Variants in ZFHX2 observed in about 807,000 individuals in gnomAD.
ZFHX2 encodes zinc finger homeobox protein 2.
A neutral mutation model predicts 164.8 loss-of-function variants in ZFHX2; 75 were observed. The observed-to-expected ratio is 0.46, with a 90% CI of 0.38 to 0.55. The LOEUF (loss-of-function observed/expected upper bound fraction) is 0.55. ZFHX2 is among the 20% of genes least tolerant of loss of function. The pLI is 0.00. For synonymous variants in ZFHX2, 1,217 were observed against 1,351.4 expected (o/e 0.90, Z 2.18); for missense variants, 2,933 against 3,308.0 (o/e 0.89, Z 2.78).
At position 23,549,115 on chromosome 14, in the gene ZFHX2, C is replaced by T. The variant is rs142492955; in HGVS notation, c.-50+2228G>A. Among the ~76,000 whole-genome samples the T allele has an allele frequency of 1.3e-4, 20 of 152,250 alleles. No individual in the cohort carries two copies. In the East Asian group the frequency reaches 3.5e-3, roughly 26 times the overall value. ...TTCATAGTGCTTTTTCTGTTGACCTCCACTTTAGGAATATTCTATCATTTC... is the reference window on the plus strand; with the variant it reads ...TTCATAGTGCTTTTTCTGTTGACCTTCACTTTAGGAATATTCTATCATTTC... On this transcript the variant is annotated intron_variant, in intron 1 of 9. Coordinates refer to ENST00000419474, the MANE Select transcript of ZFHX2 (RefSeq NM_033400.3).
chr14:23,539,849 T>C (rs538076763), intron 1 of ZFHX2, among the ~76,000 whole-genome samples: 43 of 152,166 alleles, frequency 2.8e-4, no homozygotes, highest in Non-Finnish European at 4.9e-4. Context: ...TGACTGGCTT[T>C]TTCCTCCCTA....
chr14:23,540,861 T>C (rs1264357619), intron 1 of ZFHX2, among the ~76,000 whole-genome samples: 1 of 152,220 alleles, frequency 6.6e-6, no homozygotes, highest in Non-Finnish European at 1.5e-5. Context: ...GCATGGTGTT[T>C]GCACAGAGGC....
intron 4 of ZFHX2, 89 bp downstream of exon 4, chr14:23,531,392 C>CT: frequency 7.5e-7 from 1 of 1,329,650 alleles, no homozygotes. Context: ...CTTCGCCTTC[C>CT]TTGTATCTCT....
chr14:23,530,150 T>C lies in ZFHX2; in HGVS notation c.2845A>G (p.Lys949Glu), dbSNP rs1342183250. 1 of 1,536,038 alleles carries C rather than the reference T, an allele frequency of 6.5e-7. No homozygotes were observed. ...TPLAEPPTPE[K>E]DAQNKTEQLA... ...TGTTCTGTCTTGTTCTGGGCATCTT[T>C]CTCAGGGGTGGGTGGCTCAGCTAAG... Residue 949 changes from lysine to glutamate, a missense_variant, in exon 5 of 10, where the codon AAA becomes GAA. Coordinates refer to ENST00000419474, the MANE Select transcript of ZFHX2 (RefSeq NM_033400.3).
In ZFHX2 at chr14:23,534,894, C is replaced by T; in HGVS notation, c.432G>A (p.Trp144Ter). Residue 144 changes from tryptophan (W) to a stop codon, truncating the protein, a stop_gained, in exon 2 of 10, where the codon TGG becomes TGA. Coordinates refer to ENST00000419474, the MANE Select transcript of ZFHX2 (RefSeq NM_033400.3). LOFTEE classifies it high-confidence loss of function. This position sits in a 1 kb window ranked among gnomAD's most constrained non-coding sequence, Gnocchi z 4.5. ...SELLLPKGFP[W>*]GEAGIKEEPS... ...GCTCTTCCTTGATGCCCGCCTCACC[C>T]CAGGGGAAGCCCTTTGGTAACAGGA... 6.5e-7 allele frequency: 1 copy of T among 1,536,104 alleles called. No homozygotes were observed. Among genetic ancestry groups the T allele is most frequent in the Non-Finnish European group, 8.7e-7 (1 of 1,146,886 alleles).
rs769148390 is a variant in ZFHX2, at chr14:23,533,883, A to G, written c.1443T>C (p.Ser481=). ...CCCCAGCACTGCAGTAGCTGCAGTG[A>G]CTGTTGCTCTCAGGGTGCTTCTCTC... ...HMREKHPESN[S]HCSYCSAGGA... is the part of the protein sequence containing the mutation. The change falls in exon 2 of 10, where the codon AGT becomes AGC. Residue 481 remains serine, a synonymous_variant. Transcript: ENST00000419474. This position sits in a 1 kb window ranked among gnomAD's most constrained non-coding sequence, Gnocchi z 4.8. The G allele has an allele frequency of 6.5e-7, 1 of 1,538,050 alleles. No homozygotes were observed. Among genetic ancestry groups the G allele is most frequent in the East Asian group, 2.4e-5 (1 of 40,932 alleles).
chr14:23,523,207 A>T lies in ZFHX2; in HGVS notation c.6735T>A (p.Asn2245Lys). The T allele has an allele frequency of 7.0e-7, 1 of 1,422,992 alleles. No individual in the cohort carries two copies. Among genetic ancestry groups the T allele is most frequent in the Non-Finnish European group, 9.1e-7 (1 of 1,093,528 alleles). 88.1% of individuals were successfully genotyped at this position (1,422,992 alleles called of 1,614,324 possible). ...QPPLGNLAPF[N>K]SGPAASSGLL... ...CCTCCCAGCCTCCCTACTCACCTGA[A>T]TTGAAAGGAGCTAAGTTGCCCAGCG... The change falls in exon 9 of 10, where the codon AAT becomes AAA. Residue 2245 changes from asparagine (N) to lysine (K), a missense_variant. Coordinates refer to ENST00000419474, the MANE Select transcript of ZFHX2 (RefSeq NM_033400.3). The surrounding 1 kb of genome is among the most constrained non-coding windows in gnomAD (Gnocchi z 4.1).
rs1313215943 is a variant in ZFHX2, at chr14:23,527,588, C to G, written c.3135+16G>C. The G allele has an allele frequency of 2.6e-6, 4 of 1,536,618 alleles. No individual in the cohort carries two copies. Among genetic ancestry groups the G allele is most frequent in the Non-Finnish European group, 3.5e-6 (4 of 1,146,950 alleles). The stretch of plus-strand genomic sequence containing the variant: ...ATAAGGTCTTGTTGTACCGTCCTCA[C>G]CCAGCCTGTACTCACTACAAGCAGC... On this transcript the variant is annotated intron_variant, in intron 7 of 9. Coordinates refer to ENST00000419474, the MANE Select transcript of ZFHX2 (RefSeq NM_033400.3).
At chr14:23,548,045 C>T (rs1881570206) in intron 1 of ZFHX2, among the ~76,000 whole-genome samples, 1 of 152,146 alleles carries the variant, frequency 6.6e-6, no homozygotes, top group Non-Finnish European at 1.5e-5. Context: ...AATGAGTTTA[C>T]ACTCACACAG....
chr14:23,531,602 G>C lies in ZFHX2; in HGVS notation c.2679C>G (p.Ala893=), dbSNP rs1301323982. 2 of 1,526,618 alleles carry C rather than the reference G, an allele frequency of 1.3e-6. No homozygotes were observed. The highest frequency in any genetic ancestry group is 1.2e-5 in the South Asian group (1 of 82,748). The allele number at this position is 1,526,618 out of a possible 1,614,324, so 94.6% of individuals were successfully genotyped here. Reference sequence around the variant, plus strand: ...GCCTCTGGGCCTGGGCATCGCGGTGGGCAGGTGTGCGCAGGTGTTGCAGCA... The same window carrying C: ...GCCTCTGGGCCTGGGCATCGCGGTGCGCAGGTGTGCGCAGGTGTTGCAGCA... ...LAVLQHLRTP[A]HRDAQAQRRL... Residue 893 remains alanine, a synonymous_variant, in exon 4 of 10, where the codon GCC becomes GCG. Transcript: ENST00000419474.
chr14:23,533,800 C>A lies in ZFHX2; in HGVS notation c.1526G>T (p.Arg509Leu). The change falls in exon 2 of 10, where the codon CGC (arginine) becomes CTC (leucine). Residue 509 changes from arginine (R) to leucine (L), a missense_variant. Arg to Leu is a moderately radical substitution (Grantham distance 102). Coordinates refer to ENST00000419474, the MANE Select transcript of ZFHX2 (RefSeq NM_033400.3). This position sits in a 1 kb window ranked among gnomAD's most constrained non-coding sequence, Gnocchi z 4.8. ...ESYNCGYKPY[R>L]CDVCNYSTTT... is the part of the protein sequence containing the mutation. The stretch of plus-strand genomic sequence containing the variant: ...TGTAGAGTAGTTGCAGACGTCACAG[C>A]GGTAGGGTTTGTAGCCACAGTTGTA... 6.5e-7 allele frequency: 1 copy of A among 1,547,844 alleles called. No homozygotes were observed.
chr14:23,529,819 A>G (rs900231683), intron 5 of ZFHX2, 51 bp from the exon 6 acceptor site: 1 of 1,514,184 alleles, frequency 6.6e-7, no homozygotes, highest in Non-Finnish European at 8.9e-7. Context: ...CCTCAAGATG[A>G]TTTGTAGCAG....
In ZFHX2 at chr14:23,533,214, C is replaced by T. The variant is rs1879777577; in HGVS notation, c.2041+71G>A. On this transcript the variant is annotated intron_variant, in intron 2 of 9. Transcript: ENST00000419474. This position sits in a 1 kb window ranked among gnomAD's most constrained non-coding sequence, Gnocchi z 4.8. Reference sequence around the variant, plus strand: ...ATGGTTACCTAAGTGGGGAGTTGGTCCTTGGGAGAAAGCACGGAATAGAGT... The same window carrying T: ...ATGGTTACCTAAGTGGGGAGTTGGTTCTTGGGAGAAAGCACGGAATAGAGT... 1 of 1,435,320 alleles carries T rather than the reference C, an allele frequency of 7.0e-7. No homozygotes were observed. The highest frequency in any genetic ancestry group is 2.5e-5 in the East Asian group (1 of 39,982). The allele number at this position is 1,435,320 out of a possible 1,614,324, so 88.9% of individuals were successfully genotyped here.
intron 1 of ZFHX2, among the ~76,000 whole-genome samples, chr14:23,544,870 C>G (rs905103973): frequency 2.0e-5 from 3 of 152,018 alleles, no homozygotes; most frequent in African/African-American, 7.2e-5. Flanking sequence ...CTTCTCCCAC[C>G]TTTTTTTTCT....
chr14:23,541,144 G>C (rs1035767759), intron 1 of ZFHX2, among the ~76,000 whole-genome samples: 3 of 151,870 alleles, frequency 2.0e-5, no homozygotes, highest in Non-Finnish European at 4.4e-5. Flanking sequence ...GACCTCAGGT[G>C]ATCCACCTGC....
chr14:23,552,491 C>A (rs954479198), upstream of ZFHX2, among the ~76,000 whole-genome samples: 1 of 152,056 alleles, frequency 6.6e-6, no homozygotes, highest in Non-Finnish European at 1.5e-5. Flanking sequence ...CGGGGTTTCA[C>A]CACGTTGGTC....
In ZFHX2 at chr14:23,525,259, C is replaced by T. The variant is rs1338434944; in HGVS notation, c.4683G>A (p.Gly1561=). 3.9e-6 allele frequency: 6 copies of T among 1,536,030 alleles called. No individual in the cohort carries two copies. In the East Asian group the frequency reaches 9.8e-5, roughly 25 times the overall value. The change falls in exon 9 of 10, where the codon GGG becomes GGA. Residue 1561 remains glycine (G), a synonymous_variant. Coordinates refer to ENST00000419474, the MANE Select transcript of ZFHX2 (RefSeq NM_033400.3). This position sits in a 1 kb window ranked among gnomAD's most constrained non-coding sequence, Gnocchi z 5.9. ...PFLVPEPEAG[G]TRAPEERSRA... Reference sequence around the variant, plus strand: ...GACTTCGCTCTTCAGGGGCACGGGTCCCCCCTGCCTCAGGCTCTGGGACCA... The same window carrying T: ...GACTTCGCTCTTCAGGGGCACGGGTTCCCCCTGCCTCAGGCTCTGGGACCA...
rs559145511 is a variant in ZFHX2, at chr14:23,544,493, C to T, written c.-50+6850G>A. Among the ~76,000 whole-genome samples, 15 of 152,298 alleles carry T rather than the reference C, an allele frequency of 9.8e-5. No homozygotes were observed. In the South Asian group the frequency reaches 2.9e-3, roughly 29 times the overall value. ...ACCTGGCTGTAGCCCTGTCCCAGTACTTCTTTGGGGTTGGTGAAGGTGCTT... is the reference window on the plus strand; with the variant it reads ...ACCTGGCTGTAGCCCTGTCCCAGTATTTCTTTGGGGTTGGTGAAGGTGCTT... On this transcript the variant is annotated intron_variant, in intron 1 of 9. Transcript: ENST00000419474.
intron 1 of ZFHX2, among the ~76,000 whole-genome samples, chr14:23,539,404 A>T (rs1320585246): frequency 6.6e-6 from 1 of 152,166 alleles, no homozygotes; most frequent in Non-Finnish European, 1.5e-5. Context: ...ACACATTAGG[A>T]CCCAGAAAGC....
Sources: allele counts gnomAD v4.1 joint callset (sites outside exome capture counted in the v4.1 genomes callset), GRCh38; gene constraint gnomAD v4.1.1; non-coding constraint Gnocchi (gnomAD v3.1); transcripts MANE v1.5; gene names NCBI Gene and HGNC (gene_info 2026-07-23, HGNC 2026-07-21).